The following HMCN1 variants were observed in gnomAD, a reference collection of about 807,000 sequenced individuals.
HMCN1 encodes the protein hemicentin-1.
In HMCN1, 321 loss-of-function variants were observed where a neutral mutation model predicts 625.9. The ratio of observed to expected loss-of-function variants is 0.51; its 90% CI spans 0.47 to 0.56. HMCN1 has a LOEUF of 0.56. HMCN1 is among the 20% of genes least tolerant of loss of function. The pLI is 0.00. For missense variants in HMCN1, 6,588 were observed against 6,887.3 expected (o/e 0.96, Z 1.54); for synonymous variants, 2,425 against 2,417.6 (o/e 1.00, Z -0.09).
At chr1:185,775,358 A>G (rs774574827) in intron 1 of HMCN1, among the ~76,000 whole-genome samples, 3 of 152,164 alleles carry the variant, frequency 2.0e-5, no homozygotes, top group Non-Finnish European at 2.9e-5. Context: ...TGCTATAATC[A>G]TGCCTGTGAA....
At chr1:185,931,015 G>A (rs1667520350) in intron 10 of HMCN1, among the ~76,000 whole-genome samples, 1 of 151,634 alleles carries the variant, frequency 6.6e-6, no homozygotes, top group Non-Finnish European at 1.5e-5. Context: ...TCAGTGACAG[G>A]AAACCTTAAA....
chr1:185,741,528 A>T (rs1653992926), intron 1 of HMCN1, among the ~76,000 whole-genome samples: 1 of 152,168 alleles, frequency 6.6e-6, no homozygotes, highest in Non-Finnish European at 1.5e-5. Flanking sequence ...CCATTAAGGG[A>T]GACTGACTAT....
chr1:185,987,627 C>T (rs1652091418), intron 20 of HMCN1, 83 bp downstream of exon 20: 2 of 943,764 alleles, frequency 2.1e-6, no homozygotes, highest in South Asian at 2.6e-5. Flanking sequence ...GAGCAGGAGG[C>T]TCAGGAGTGG....
intron 97 of HMCN1, among the ~76,000 whole-genome samples, chr1:186,157,985 T>G (rs1362314003): frequency 6.6e-6 from 1 of 152,042 alleles, no homozygotes; most frequent in African/African-American, 2.4e-5. Flanking sequence ...CAAATGGTAT[T>G]TCTAGTTCTA....
rs543833809 is a variant in HMCN1, at chr1:186,080,826, TGACCATATA to T, written c.8600-377_8600-369del. Among the ~76,000 whole-genome samples the T allele has an allele frequency of 1.6e-3, 250 of 152,324 alleles. 2 individuals carry two copies. The highest frequency in any genetic ancestry group is 5.7e-3 in the African/African-American group (238 of 41,586). ...GTGTAATTTTTCTGTCCCCTCTGGA[TGACCATATA>T]GACTTAAATATCTATTTATACAGAT... On this transcript the variant is annotated intron_variant, in intron 55 of 106. Transcript: ENST00000271588.
chr1:185,880,751 G>T (rs1664252700), intron 4 of HMCN1, among the ~76,000 whole-genome samples: 1 of 152,236 alleles, frequency 6.6e-6, no homozygotes, highest in South Asian at 2.1e-4. Context: ...TGAAATAGGG[G>T]AATGAAGTTG....
At chr1:186,020,681 T>C (rs771617096) in intron 35 of HMCN1, among the ~76,000 whole-genome samples, 1 of 152,118 alleles carries the variant, frequency 6.6e-6, no homozygotes, top group Admixed American at 6.6e-5. Flanking sequence ...GGAAAATTTA[T>C]GGGAAAAGCC....
intron 25 of HMCN1, among the ~76,000 whole-genome samples, chr1:185,999,743 C>T (rs1303700099): frequency 1.3e-5 from 2 of 152,034 alleles, no homozygotes; most frequent in East Asian, 1.9e-4. Flanking sequence ...AGTTCCTGCC[C>T]TGCCAACAAA....
At chr1:185,939,491 G>A (rs548731326) in intron 11 of HMCN1, among the ~76,000 whole-genome samples, 8 of 152,216 alleles carry the variant, frequency 5.3e-5, no homozygotes, top group Non-Finnish European at 8.8e-5. Flanking sequence ...TTTGGGGGCA[G>A]CAGAACTATA....
Position 186,037,827 on chromosome 1 carries a change from G to GT in HMCN1, c.5750-106dup, listed in dbSNP as rs1655936706. 1.1e-5 allele frequency: 8 copies of GT among 733,276 alleles called. No individual in the cohort carries two copies. The Admixed American group carries it at 1.2e-4, about 11-fold the overall frequency. The allele number at this position is 733,276 out of a possible 1,614,324, so 45.4% of individuals were successfully genotyped here. A position where few individuals can be genotyped will look rare whatever the true frequency, so the allele number is the denominator to read the frequency against. On this transcript the variant is annotated intron_variant, in intron 36 of 106. Transcript: ENST00000271588. ...ATTCCAAATAGGTCAGTGTATATATGTGAAAAAAAGAAGAGAGGAAGAAAA... is the reference window on the plus strand; with the variant it reads ...ATTCCAAATAGGTCAGTGTATATATGTTGAAAAAAAGAAGAGAGGAAGAAAA...
intron 45 of HMCN1, among the ~76,000 whole-genome samples, chr1:186,056,779 C>T (rs1203110581): frequency 1.3e-5 from 2 of 151,880 alleles, no homozygotes; most frequent in African/African-American, 4.8e-5. Flanking sequence ...AGTTCAAAAA[C>T]TAACTCTTGG....
chr1:185,990,467 A>T, intron 22 of HMCN1, 24 bp downstream of exon 22: 1 of 1,604,898 alleles, frequency 6.2e-7, no homozygotes, highest in Non-Finnish European at 8.5e-7. Context: ...GATGAATTGC[A>T]ACACATGAAA....
At chr1:185,817,714 T>A (rs1659929235) in intron 1 of HMCN1, among the ~76,000 whole-genome samples, 1 of 152,168 alleles carries the variant, frequency 6.6e-6, no homozygotes, top group South Asian at 2.1e-4. Context: ...ATATCTCCAA[T>A]ATATTTATTA....
At chr1:186,186,992 TCTCACACACA>T (rs1432324000) in intron 105 of HMCN1, among the ~76,000 whole-genome samples, 57 of 95,488 alleles carry the variant, frequency 6.0e-4, no homozygotes, top group African/African-American at 1.8e-3. Flanking sequence ...TCTGTCTCTG[TCTCACACACA>T]CACACACACA....
At chr1:186,144,758 C>T (rs995091257) in intron 91 of HMCN1, 55 bp downstream of exon 91, 2 of 1,581,688 alleles carry the variant, frequency 1.3e-6, no homozygotes, top group Non-Finnish European at 1.7e-6. Context: ...TTCATTATGA[C>T]TGTAATTCCT....
At chr1:186,009,562 T>C (rs528693386) in intron 30 of HMCN1, among the ~76,000 whole-genome samples, 20 of 152,124 alleles carry the variant, frequency 1.3e-4, no homozygotes, top group Non-Finnish European at 2.6e-4. Flanking sequence ...TGAGAGTGTG[T>C]TTCATACTAC....
At chr1:186,094,103 T>C (rs1659997272) in intron 66 of HMCN1, among the ~76,000 whole-genome samples, 173 bp from the exon 67 acceptor site, 1 of 152,122 alleles carries the variant, frequency 6.6e-6, no homozygotes, top group Admixed American at 6.6e-5. Context: ...ATCAGCTTTG[T>C]AGAATAAATT....
chr1:185,770,572 G>A (rs983288128), intron 1 of HMCN1, among the ~76,000 whole-genome samples: 2 of 152,124 alleles, frequency 1.3e-5, no homozygotes, highest in African/African-American at 4.8e-5. Flanking sequence ...ATGCAAACAG[G>A]AGTTTCTGAG....
intron 1 of HMCN1, among the ~76,000 whole-genome samples, chr1:185,831,266 C>T (rs2102289619): frequency 6.6e-6 from 1 of 152,072 alleles, no homozygotes; most frequent in South Asian, 2.1e-4. Context: ...AAATTATTAA[C>T]ATATCTAAGG....
Sources: gnomAD v4.1 joint callset for allele counts (sites outside exome capture counted in the v4.1 genomes callset) on GRCh38, gnomAD v4.1.1 for gene constraint, MANE v1.5 for transcripts, NCBI Gene and HGNC (gene_info 2026-07-23, HGNC 2026-07-21) for gene names.